The following RAB11FIP4 variants were observed in gnomAD, a reference collection of about 807,000 sequenced individuals.
RAB11FIP4 encodes the protein rab11 family-interacting protein 4.
Under a neutral mutation model 74.3 loss-of-function variants are expected in RAB11FIP4, and 23 were observed. That is an observed-to-expected ratio of 0.31 (90% CI 0.22 to 0.44). RAB11FIP4 has a LOEUF of 0.44. Among genes scored for constraint, RAB11FIP4 ranks in the 20% least tolerant of loss-of-function variants. The probability of loss-of-function intolerance (pLI) is 1.00; values close to 1 mark genes in which losing one functional copy is unlikely to be tolerated. For missense variants in RAB11FIP4, 630 were observed against 863.9 expected (o/e 0.73, Z 3.39); for synonymous variants, 360 against 359.9 (o/e 1.00, Z 0.00).
At chr17:31,494,997 A>ACC (rs2072086800) in intron 3 of RAB11FIP4, among the ~76,000 whole-genome samples, 1 of 152,164 alleles carries the variant, frequency 6.6e-6, no homozygotes, top group Non-Finnish European at 1.5e-5. Context: ...CAAGGGGAGG[A>ACC]TGGCCCTCCA....
At chr17:31,475,897 A>G (rs2071787190) in intron 3 of RAB11FIP4, among the ~76,000 whole-genome samples, 2 of 152,072 alleles carry the variant, frequency 1.3e-5, no homozygotes, top group South Asian at 4.1e-4. Context: ...TTGTGGAGAA[A>G]ATAACGACTG....
At chr17:31,440,483 TTAAGGCCA>T (rs1332869162) in intron 3 of RAB11FIP4, among the ~76,000 whole-genome samples, 1 of 152,212 alleles carries the variant, frequency 6.6e-6, no homozygotes, top group Non-Finnish European at 1.5e-5. Flanking sequence ...TCTTTAACCT[TTAAGGCCA>T]GGTGCGGTGG....
chr17:31,394,841 G>A (rs1031444755), intron 1 of RAB11FIP4, among the ~76,000 whole-genome samples: 6 of 143,774 alleles, frequency 4.2e-5, no homozygotes, highest in African/African-American at 1.0e-4. Context: ...ACCGAGACCC[G>A]TGGAAATATA....
chr17:31,490,743 G>A (rs2071991967), intron 3 of RAB11FIP4, among the ~76,000 whole-genome samples: 1 of 152,164 alleles, frequency 6.6e-6, no homozygotes, highest in South Asian at 2.1e-4. Context: ...TTTTTGTAGA[G>A]ATGGGGTTTT....
At chr17:31,505,437 T>C (rs1404059915) in intron 3 of RAB11FIP4, among the ~76,000 whole-genome samples, 1 of 56,638 alleles carries the variant, frequency 1.8e-5, no homozygotes, top group Middle Eastern at 7.4e-3. Context: ...ATATAATTAT[T>C]ATATAATATA....
At chr17:31,485,190 CT>C (rs1285183952) in intron 3 of RAB11FIP4, among the ~76,000 whole-genome samples, 1 of 152,252 alleles carries the variant, frequency 6.6e-6, no homozygotes, top group East Asian at 1.9e-4. Context: ...AAAACATTGA[CT>C]TCCCTTGATA....
At chr17:31,481,748 T>C (rs751045137) in intron 3 of RAB11FIP4, among the ~76,000 whole-genome samples, 23 of 152,056 alleles carry the variant, frequency 1.5e-4, no homozygotes, top group Non-Finnish European at 2.5e-4. Context: ...AAACACTGGT[T>C]TTCTCACCAT....
At chr17:31,455,372 G>T (rs557151129) in intron 3 of RAB11FIP4, among the ~76,000 whole-genome samples, 1 of 152,266 alleles carries the variant, frequency 6.6e-6, no homozygotes, top group Non-Finnish European at 1.5e-5. Context: ...CTTTTCATGG[G>T]ACGGGAGAGG....
intron 3 of RAB11FIP4, chr17:31,488,441 G>T: frequency 1.4e-6 from 1 of 734,886 alleles, no homozygotes; most frequent in Non-Finnish European, 1.7e-6. Flanking sequence ...AGGTGCGCGG[G>T]TGGCGGCTCC....
intron 3 of RAB11FIP4, among the ~76,000 whole-genome samples, chr17:31,475,105 G>GCC: frequency 6.6e-6 from 1 of 152,096 alleles, no homozygotes; most frequent in South Asian, 2.1e-4. Context: ...CCTTGAAGGG[G>GCC]ATGGGGTCCA....
intron 3 of RAB11FIP4, among the ~76,000 whole-genome samples, chr17:31,447,280 C>T (rs961657013): frequency 3.9e-5 from 6 of 151,926 alleles, no homozygotes; most frequent in African/African-American, 1.2e-4. Flanking sequence ...CGTGAGACTC[C>T]GTCTCAAACA....
At chr17:31,451,688 T>C (rs1442964799) in intron 3 of RAB11FIP4, among the ~76,000 whole-genome samples, 4 of 152,100 alleles carry the variant, frequency 2.6e-5, no homozygotes, top group African/African-American at 9.7e-5. Flanking sequence ...CACAGGGCCT[T>C]TGCCTGGCTT....
chr17:31,479,156 G>C (rs1265724802), intron 3 of RAB11FIP4, among the ~76,000 whole-genome samples: 1 of 152,200 alleles, frequency 6.6e-6, no homozygotes, highest in East Asian at 1.9e-4. Flanking sequence ...AAGAAATGAA[G>C]TGGCTGGCAC....
At chr17:31,484,374 CATT>C (rs888192366) in intron 3 of RAB11FIP4, among the ~76,000 whole-genome samples, 10 of 150,562 alleles carry the variant, frequency 6.6e-5, no homozygotes, top group African/African-American at 2.2e-4. Context: ...CCGGGCCTGA[CATT>C]GTCTCTTTAA....
intron 1 of RAB11FIP4, among the ~76,000 whole-genome samples, chr17:31,402,954 A>T (rs1486162921): frequency 6.6e-6 from 1 of 151,962 alleles, no homozygotes; most frequent in African/African-American, 2.4e-5. Flanking sequence ...TTATTATGAT[A>T]GGTGGACCTC....
At chr17:31,419,620 G>A (rs2071180376) in intron 1 of RAB11FIP4, among the ~76,000 whole-genome samples, 1 of 149,946 alleles carries the variant, frequency 6.7e-6, no homozygotes, top group Non-Finnish European at 1.5e-5. Flanking sequence ...GGGCGATCTC[G>A]GCTCATTGCA....
At chr17:31,402,199 A>G (rs2151615193) in intron 1 of RAB11FIP4, among the ~76,000 whole-genome samples, 1 of 150,836 alleles carries the variant, frequency 6.6e-6, no homozygotes, top group East Asian at 2.0e-4. Context: ...GCATCCATCC[A>G]TCCATCCATC....
chr17:31,394,229 C>A (rs938518262), intron 1 of RAB11FIP4, among the ~76,000 whole-genome samples: 1 of 152,226 alleles, frequency 6.6e-6, no homozygotes, highest in African/African-American at 2.4e-5. Context: ...TCTGTCAGAC[C>A]TTTCCAGAGC....
chr17:31,436,511 C>T (rs2071358518), intron 3 of RAB11FIP4, among the ~76,000 whole-genome samples: 1 of 152,154 alleles, frequency 6.6e-6, no homozygotes, highest in African/African-American at 2.4e-5. Context: ...CACATTCTGC[C>T]ATTCACACCT....
Sources: allele counts gnomAD v4.1 joint callset (sites outside exome capture counted in the v4.1 genomes callset), GRCh38; gene constraint gnomAD v4.1.1; transcripts MANE v1.5; gene names NCBI Gene and HGNC (gene_info 2026-07-23, HGNC 2026-07-21).